Variants in MANBA observed in about 807,000 individuals in gnomAD.
The protein encoded by MANBA is beta-mannosidase.
A neutral mutation model predicts 111.1 loss-of-function variants in MANBA; 83 were observed. The ratio of observed to expected loss-of-function variants is 0.75; its 90% CI spans 0.63 to 0.90. The LOEUF is 0.90. Among genes scored for constraint, MANBA ranks in the 40% least tolerant of loss-of-function variants. The pLI is 0.00. For missense variants in MANBA, 1,036 were observed against 1,069.0 expected (o/e 0.97, Z 0.43); for synonymous variants, 370 against 378.7 (o/e 0.98, Z 0.27).
intron 7 of MANBA, among the ~76,000 whole-genome samples, chr4:102,676,308 T>C (rs1017511362): frequency 1.3e-5 from 2 of 152,180 alleles, no homozygotes; most frequent in Non-Finnish European, 2.9e-5. Flanking sequence ...TTTAAACTTA[T>C]ACATGATAAG....
In MANBA at chr4:102,678,107, AT is replaced by A. The variant is rs57693046; in HGVS notation, c.961-4038del. ...TTCTTAATATACATTAATGCTACAA[AT>A]TGTATTAACTATACAACATAACACT... On this transcript the variant is annotated intron_variant, in intron 7 of 16. Coordinates refer to ENST00000647097, the MANE Select transcript of MANBA (RefSeq NM_005908.4). Among the ~76,000 whole-genome samples, 1,407 of 152,308 alleles carry A rather than the reference AT, an allele frequency of 9.2e-3. 28 individuals carry two copies. The highest frequency in any genetic ancestry group is 0.032 in the African/African-American group (1,335 of 41,556).
chr4:102,654,661 G>A (rs1730484952), intron 12 of MANBA, among the ~76,000 whole-genome samples: 1 of 152,088 alleles, frequency 6.6e-6, no homozygotes, highest in Non-Finnish European at 1.5e-5. Flanking sequence ...TAAGCACTCA[G>A]CTAACTAGAA....
chr4:102,661,237 C>T (rs1190287175), intron 11 of MANBA, among the ~76,000 whole-genome samples: 4 of 152,162 alleles, frequency 2.6e-5, no homozygotes, highest in Non-Finnish European at 5.9e-5. Flanking sequence ...ACCTTTTACT[C>T]GAAAGCCTTT....
intron 4 of MANBA, among the ~76,000 whole-genome samples, chr4:102,721,777 C>T (rs915049296): frequency 1.3e-5 from 2 of 151,990 alleles, no homozygotes; most frequent in African/African-American, 4.8e-5. Flanking sequence ...CCTGTAATCC[C>T]GGCACTTTGG....
chr4:102,643,737 G>T (rs569014939), intron 13 of MANBA, among the ~76,000 whole-genome samples: 1 of 151,986 alleles, frequency 6.6e-6, no homozygotes, highest in African/African-American at 2.4e-5. Flanking sequence ...TTTCAATTGG[G>T]TTGTCTTTTT....
chr4:102,701,729 G>T (rs1400380355), intron 5 of MANBA, among the ~76,000 whole-genome samples: 2 of 149,558 alleles, frequency 1.3e-5, no homozygotes, highest in Non-Finnish European at 3.0e-5. Context: ...TGAGAGATCC[G>T]CTGTTAGTCT....
At chr4:102,664,244 C>G (rs1731100384) in intron 11 of MANBA, among the ~76,000 whole-genome samples, 1 of 152,322 alleles carries the variant, frequency 6.6e-6, no homozygotes. Flanking sequence ...TGCTGCTGCA[C>G]TACAATGGGA....
chr4:102,637,572 A>T (rs1050970245), intron 14 of MANBA, among the ~76,000 whole-genome samples: 2 of 152,198 alleles, frequency 1.3e-5, no homozygotes, highest in African/African-American at 4.8e-5. Flanking sequence ...GTCTCCCTAT[A>T]ACGCCCAAGA....
chr4:102,683,497 C>G (rs200549463), intron 7 of MANBA, among the ~76,000 whole-genome samples: 1 of 152,034 alleles, frequency 6.6e-6, no homozygotes, highest in Non-Finnish European at 1.5e-5. Context: ...TCCATAAAGG[C>G]AAGCCATAAT....
At chr4:102,657,226 G>GC (rs1730598242) in intron 12 of MANBA, among the ~76,000 whole-genome samples, 5 of 125,052 alleles carry the variant, frequency 4.0e-5, no homozygotes, top group African/African-American at 1.4e-4. Context: ...GTGGGGTGGG[G>GC]GGGGGGTGGG....
intron 5 of MANBA, among the ~76,000 whole-genome samples, chr4:102,699,935 A>C (rs1162667734): frequency 6.6e-6 from 1 of 151,812 alleles, no homozygotes; most frequent in Non-Finnish European, 1.5e-5. Flanking sequence ...AAGGAATGGT[A>C]CCAGTTCCTC....
chr4:102,727,616 T>C, intron 1 of MANBA: 6 of 1,565,490 alleles, frequency 3.8e-6, no homozygotes, highest in South Asian at 3.3e-5. Context: ...GACAGGCCAG[T>C]GCCCATGTTG....
At chr4:102,636,239 G>A (rs115826565) in intron 14 of MANBA, among the ~76,000 whole-genome samples, 166 of 152,292 alleles carry the variant, frequency 1.1e-3, no homozygotes, top group African/African-American at 3.8e-3. Context: ...AGGCATTAAC[G>A]AACCATGCTG....
At chr4:102,699,047 T>C (rs1732881027) in intron 5 of MANBA, among the ~76,000 whole-genome samples, 2 of 151,970 alleles carry the variant, frequency 1.3e-5, no homozygotes, top group South Asian at 4.1e-4. Flanking sequence ...CAGTGGTTTG[T>C]AGTTCTCCTT....
Position 102,713,358 on chromosome 4 carries a change from T to C in MANBA, c.673+1080A>G, listed in dbSNP as rs531042303. Among the ~76,000 whole-genome samples the C allele has an allele frequency of 2.6e-5, 4 of 152,352 alleles. No individual in the cohort carries two copies. In the South Asian group the frequency reaches 8.3e-4, roughly 32 times the overall value. ...CCTCACTGATCTTTGATTTTCTGGC[T>C]CTTATCTTGGAAGGTTATTTGTTTT... On this transcript the variant is annotated intron_variant, in intron 5 of 16. Transcript: ENST00000647097.
chr4:102,683,682 A>C (rs983253910), intron 7 of MANBA, among the ~76,000 whole-genome samples: 88 of 152,300 alleles, frequency 5.8e-4, no homozygotes, highest in African/African-American at 2.1e-3. Flanking sequence ...ACTTATACAC[A>C]AAACTTTTTC....
chr4:102,745,368 T>C (rs1158225492), intron 1 of MANBA, among the ~76,000 whole-genome samples: 1 of 151,994 alleles, frequency 6.6e-6, no homozygotes, highest in African/African-American at 2.4e-5. Flanking sequence ...TGTGGTGGAG[T>C]GACTGTTGTT....
In MANBA at chr4:102,668,966, G is replaced by T; in HGVS notation, c.1314C>A (p.Tyr438Ter). 3 of 1,609,708 alleles carry T rather than the reference G, an allele frequency of 1.9e-6. No individual in the cohort carries two copies. Among genetic ancestry groups the T allele is most frequent in the Non-Finnish European group, 2.6e-6 (3 of 1,176,236 alleles). Residue 438 changes from tyrosine (Y) to a stop codon, truncating the protein, a stop_gained, in exon 10 of 17, where the codon TAC (tyrosine) becomes TAA (stop). Transcript: ENST00000647097. LOFTEE classifies it high-confidence loss of function. ...TCTTGGAAGGGTAGTAACATACCTG[G>T]TAGGCAACTTCTGCTGTCACTGAAT... The part of the protein sequence containing the change: ...FLDSVTAEVA[Y>*]QIKRLKSHPS...
chr4:102,757,558 A>C (rs1724077011), intron 1 of MANBA, among the ~76,000 whole-genome samples: 1 of 152,180 alleles, frequency 6.6e-6, no homozygotes, highest in Non-Finnish European at 1.5e-5. Context: ...CCAATCCATT[A>C]ACAAATCCAA....
Sources: allele counts gnomAD v4.1 joint callset (sites outside exome capture counted in the v4.1 genomes callset), GRCh38; gene constraint gnomAD v4.1.1; transcripts MANE v1.5; gene names NCBI Gene and HGNC (gene_info 2026-07-23, HGNC 2026-07-21).